Variants in KLHL23 observed in about 807,000 individuals in gnomAD.
KLHL23 encodes the protein kelch like family member 23.
KLHL23 carries 33 observed loss-of-function variants against 48.9 expected under a neutral mutation model. That is an observed-to-expected ratio of 0.67 (90% CI 0.51 to 0.90). The LOEUF (loss-of-function observed/expected upper bound fraction) is 0.90, where lower values mean the gene tolerates loss of function less well. Among genes scored for constraint, KLHL23 ranks in the 40% least tolerant of loss-of-function variants. The probability of loss-of-function intolerance (pLI) is 0.00; values close to 1 mark genes in which losing one functional copy is unlikely to be tolerated. For missense variants in KLHL23, 608 were observed against 669.6 expected, an observed-to-expected ratio of 0.91 and a Z score of 1.02; for synonymous variants, 234 against 231.6, an observed-to-expected ratio of 1.01 and a Z score of -0.09.
intron 2 of KLHL23, 80 bp from the exon 3 acceptor site, chr2:169,741,304 AC>A: frequency 6.6e-7 from 1 of 1,516,470 alleles, no homozygotes. Flanking sequence ...AATAACAAAA[AC>A]AACAATAAAT....
chr2:169,746,854 T>A (rs1688802475), intron 3 of KLHL23, among the ~76,000 whole-genome samples: 1 of 152,202 alleles, frequency 6.6e-6, no homozygotes, highest in African/African-American at 2.4e-5. Context: ...GATAAAATAT[T>A]TGAACTATCA....
chr2:169,738,381 A>G (rs184259439), intron 2 of KLHL23, among the ~76,000 whole-genome samples: 38 of 152,288 alleles, frequency 2.5e-4, no homozygotes, highest in African/African-American at 8.7e-4. Context: ...TGCGGGGATT[A>G]TAGGTGTGAA....
chr2:169,743,691 G>C (rs1351749592), intron 3 of KLHL23, among the ~76,000 whole-genome samples: 5 of 152,216 alleles, frequency 3.3e-5, no homozygotes, highest in Non-Finnish European at 5.9e-5. Flanking sequence ...GGGGGTAGCT[G>C]TTCCCCTAAA....
At chr2:169,744,703 C>T (rs116384349) in intron 3 of KLHL23, among the ~76,000 whole-genome samples, 6,465 of 151,748 alleles carry the variant, frequency 0.043, 416 homozygotes, top group African/African-American at 0.14. Flanking sequence ...AGATTACAGG[C>T]GCTGCTACTT....
intron 3 of KLHL23, among the ~76,000 whole-genome samples, chr2:169,742,579 C>T (rs1238954552): frequency 6.6e-6 from 1 of 152,226 alleles, no homozygotes; most frequent in Non-Finnish European, 1.5e-5. Flanking sequence ...AGCAGACTCT[C>T]CTGCTTTCAA....
In KLHL23 at chr2:169,743,798, G is replaced by A. The variant is rs147096307; in HGVS notation, c.1366+2261G>A. Among the ~76,000 whole-genome samples, 942 of 152,276 alleles carry A rather than the reference G, an allele frequency of 6.2e-3. 10 individuals carry two copies. The highest frequency in any genetic ancestry group is 0.022 in the African/African-American group (907 of 41,548). On this transcript the variant is annotated intron_variant, in intron 3 of 3. Coordinates refer to ENST00000392647, the MANE Select transcript of KLHL23 (RefSeq NM_144711.6). ...CCGTTGTTTTTCTTGCTCCCAGCTG[G>A]CTTTGCTCAGCTAGTCTGTTAAATC...
At chr2:169,746,235 C>T (rs1558950006) in intron 3 of KLHL23, among the ~76,000 whole-genome samples, 1 of 152,218 alleles carries the variant, frequency 6.6e-6, no homozygotes, top group Non-Finnish European at 1.5e-5. Flanking sequence ...TTGGGCCTTA[C>T]CTTCCAGTGA....
At chr2:169,738,567 C>T (rs1476527993) in intron 2 of KLHL23, among the ~76,000 whole-genome samples, 1 of 151,858 alleles carries the variant, frequency 6.6e-6, no homozygotes, top group East Asian at 1.9e-4. Context: ...TGGTCCTGGA[C>T]CCAAATTAAG....
In KLHL23 at chr2:169,736,287, T is replaced by G; in HGVS notation, c.1213+60T>G. On this transcript the variant is annotated intron_variant, in intron 2 of 3. Transcript: ENST00000392647. The stretch of plus-strand genomic sequence containing the variant: ...GATGTCTGGAGCTAGGCCAGCAGTC[T>G]CACTTCTCTTGAATTTATCACTTTG... 2.0e-6 allele frequency: 3 copies of G among 1,520,208 alleles called. 1 individual carries two copies. The South Asian group carries it at 4.0e-5, about 20-fold the overall frequency. The allele number at this position is 1,520,208 out of a possible 1,614,324, so 94.2% of individuals were successfully genotyped here.
At chr2:169,738,293 C>CG (rs58619112) in intron 2 of KLHL23, among the ~76,000 whole-genome samples, 30,747 of 151,514 alleles carry the variant, frequency 0.2, 3,539 homozygotes, top group African/African-American at 0.31. Flanking sequence ...CTAGAAATGG[C>CG]GGGGGGTCTC....
chr2:169,749,832 G>T lies in KLHL23; in HGVS notation c.*100G>T. 7.1e-7 allele frequency: 1 copy of T among 1,398,720 alleles called. No homozygotes were observed. The highest frequency in any genetic ancestry group is 1.5e-5 in the South Asian group (1 of 66,866). 86.6% of individuals were successfully genotyped at this position (1,398,720 alleles called of 1,614,324 possible). A position where few individuals can be genotyped will look rare whatever the true frequency, so the allele number is the denominator to read the frequency against. On this transcript the variant is annotated 3_prime_UTR_variant, in exon 4 of 4. Transcript: ENST00000392647. Reference sequence around the variant, plus strand: ...GTTCCTTACCTGATAATTGTGTCTGGCACATGATAGGGGATCAGTAAATTG... The same window carrying T: ...GTTCCTTACCTGATAATTGTGTCTGTCACATGATAGGGGATCAGTAAATTG...
chr2:169,740,768 ATATATATATATAT>A (rs1688656834), intron 2 of KLHL23, among the ~76,000 whole-genome samples: 1 of 41,878 alleles, frequency 2.4e-5, no homozygotes, highest in African/African-American at 1.1e-4. Context: ...TTTTTATATT[ATATATATATATAT>A]ATATATATAT....
rs1688915238 is a variant in KLHL23 at position 169,749,997 on chromosome 2, A to C, written c.*265A>C. On this transcript the variant is annotated 3_prime_UTR_variant, in exon 4 of 4. Coordinates refer to ENST00000392647, the MANE Select transcript of KLHL23 (RefSeq NM_144711.6). ...TATGTGTATATATACGTATGTATAC[A>C]TATATGTGTATATATACGTATGTAT... is the stretch of plus-strand genomic sequence containing the variant. 5.6e-6 allele frequency: 1 copy of C among 178,832 alleles called. No homozygotes were observed. The highest frequency in any genetic ancestry group is 2.5e-5 in the African/African-American group (1 of 39,992). The allele number at this position is 178,832 out of a possible 1,614,324, so 11.1% of individuals were successfully genotyped here.
intron 1 of KLHL23, 22 bp from the exon 2 acceptor site, chr2:169,734,991 T>C (rs1036852859): frequency 6.6e-7 from 1 of 1,517,112 alleles, no homozygotes; most frequent in Admixed American, 2.3e-5. Flanking sequence ...AAAACACATT[T>C]GTTATTTCAT....
At chr2:169,746,068 T>C (rs1453597387) in intron 3 of KLHL23, among the ~76,000 whole-genome samples, 1 of 151,698 alleles carries the variant, frequency 6.6e-6, no homozygotes, top group Non-Finnish European at 1.5e-5. Flanking sequence ...ACGGGCAGAG[T>C]TGAGGGATAA....
chr2:169,750,067 T>G lies in KLHL23; in HGVS notation c.*335T>G. The G allele has an allele frequency of 1.3e-5, 2 of 153,984 alleles. 1 individual carries two copies. Among genetic ancestry groups the G allele is most frequent in the African/African-American group, 5.0e-5 (2 of 39,860 alleles). 9.5% of individuals were successfully genotyped at this position (153,984 alleles called of 1,614,324 possible). A position where few individuals can be genotyped will look rare whatever the true frequency, so the allele number is the denominator to read the frequency against. ...TAGTATGTATGTATACATGTATGTG[T>G]ATATATACGTATGTATGTATACATA... On this transcript the variant is annotated 3_prime_UTR_variant, in exon 4 of 4. Coordinates refer to ENST00000392647, the MANE Select transcript of KLHL23 (RefSeq NM_144711.6).
At position 169,749,429 on chromosome 2, in the gene KLHL23, A is replaced by G. The variant is rs759423225; in HGVS notation, c.1374A>G (p.Gly458=). 6.2e-7 allele frequency: 1 copy of G among 1,604,294 alleles called. No homozygotes were observed. The highest frequency in any genetic ancestry group is 1.3e-5 in the African/African-American group (1 of 74,506). ...TTTTTTTCTTTTTAAAAGAATATGGATTGTGCTCAGTTCCGTTTGAAAATA... is the reference window on the plus strand; with the variant it reads ...TTTTTTTCTTTTTAAAAGAATATGGGTTGTGCTCAGTTCCGTTTGAAAATA... ...LITSSPHPEY[G]LCSVPFENKL... The change falls in exon 4 of 4, where the codon GGA becomes GGG. Residue 458 remains glycine, a synonymous_variant. Coordinates refer to ENST00000392647, the MANE Select transcript of KLHL23 (RefSeq NM_144711.6).
intron 3 of KLHL23, among the ~76,000 whole-genome samples, chr2:169,746,333 A>G (rs1333589770): frequency 2.6e-5 from 4 of 152,222 alleles, no homozygotes; most frequent in African/African-American, 9.6e-5. Flanking sequence ...TCAAATGGAT[A>G]TTGTGGTTTT....
chr2:169,739,998 C>G (rs2105647485), intron 2 of KLHL23, among the ~76,000 whole-genome samples: 1 of 152,174 alleles, frequency 6.6e-6, no homozygotes, highest in African/African-American at 2.4e-5. Flanking sequence ...AATGGTAGAC[C>G]TATTTGGGGC....
Sources: allele counts gnomAD v4.1 joint callset (sites outside exome capture counted in the v4.1 genomes callset), GRCh38; gene constraint gnomAD v4.1.1; transcripts MANE v1.5; gene names NCBI Gene and HGNC (gene_info 2026-07-23, HGNC 2026-07-21).